OTOG: variants seen among roughly 807,000 people sequenced by gnomAD.
OTOG encodes otogelin.
Under a neutral mutation model 313.8 loss-of-function variants are expected in OTOG, and 296 were observed. The observed-to-expected ratio is 0.94, with a 90% CI of 0.86 to 1.04. The LOEUF (loss-of-function observed/expected upper bound fraction) is 1.04. Ranked by LOEUF, OTOG falls within the 50% of genes least tolerant of loss-of-function variation. The pLI is 0.00. For synonymous variants in OTOG, 1,533 were observed against 1,554.9 expected (o/e 0.99, Z 0.33); for missense variants, 3,948 against 3,840.1 (o/e 1.03, Z -0.74).
intron 39 of OTOG, among the ~76,000 whole-genome samples, chr11:17,615,158 A>G (rs1020611606): frequency 1.1e-4 from 16 of 152,222 alleles, no homozygotes; most frequent in African/African-American, 3.9e-4. Context: ...TCCATGGTAT[A>G]TGCTCTTTGG....
At chr11:17,578,092 G>A (rs1307254709) in intron 22 of OTOG, among the ~76,000 whole-genome samples, 1 of 152,140 alleles carries the variant, frequency 6.6e-6, no homozygotes, top group Non-Finnish European at 1.5e-5. Flanking sequence ...GTTGTTGCAG[G>A]ATTCAATATG....
chr11:17,572,258 C>G lies in OTOG; in HGVS notation c.2080+54C>G, dbSNP rs1852422121. 4 of 1,538,212 alleles carry G rather than the reference C, an allele frequency of 2.6e-6. No individual in the cohort carries two copies. In the South Asian group the frequency reaches 4.8e-5, roughly 19 times the overall value. ...TGGTTGAGTGGGGTGGGGAGGACTG[C>G]TTTGAGAGAGATGAAAAGGGAACTC... On this transcript the variant is annotated intron_variant, in intron 18 of 55. Transcript: ENST00000399397.
At chr11:17,643,356 G>T in intron 53 of OTOG, 105 bp from the exon 54 acceptor site, 3 of 733,176 alleles carry the variant, frequency 4.1e-6, no homozygotes, top group Non-Finnish European at 5.9e-6. Context: ...ATCACGGGGA[G>T]AGAAGAGTCA....
chr11:17,604,203 A>G (rs1436779471), intron 32 of OTOG, among the ~76,000 whole-genome samples: 1 of 152,220 alleles, frequency 6.6e-6, no homozygotes, highest in African/African-American at 2.4e-5. Context: ...AGAGGATGGC[A>G]GGCGAAGTCA....
Position 17,573,079 on chromosome 11 carries a change from C to T in OTOG, c.2082C>T (p.Ala694=), listed in dbSNP as rs1852439176. The change falls in exon 19 of 56, where the codon GCC becomes GCT. Residue 694 remains alanine (A), a splice_region_variant and synonymous_variant. Coordinates refer to ENST00000399397, the MANE Select transcript of OTOG (RefSeq NM_001292063.2). ...TGGCTCCTGTTCTTCCTTCCCCAGC[C>T]TCCTACTCAGTGCAGGCCTGCAGCG... is the stretch of plus-strand genomic sequence containing the variant. ...LDPCDVHLQA[A]SYSVQACSVL... The T allele has an allele frequency of 1.3e-6, 2 of 1,546,114 alleles. No homozygotes were observed. Among genetic ancestry groups the T allele is most frequent in the African/African-American group, 1.4e-5 (1 of 73,018 alleles).
rs1023077268 is a variant in OTOG, at chr11:17,560,708, G to A, written c.1343-1G>A. 1.3e-6 allele frequency: 2 copies of A among 1,550,088 alleles called. No individual in the cohort carries two copies. The highest frequency in any genetic ancestry group is 2.4e-5 in the South Asian group (2 of 84,066). ...TAATTGGCCCTTTGCTGTCACTCTA[G>A]GGCTCATCTTCGAGGATGGGGGCTG... On this transcript the variant is annotated splice_acceptor_variant, in intron 12 of 55. Transcript: ENST00000399397. LOFTEE classifies it high-confidence loss of function.
chr11:17,632,052 T>C, intron 41 of OTOG, 36 bp from the exon 42 acceptor site: 1 of 1,545,746 alleles, frequency 6.5e-7, no homozygotes, highest in African/African-American at 1.4e-5. Context: ...ATATGTGCCA[T>C]CCGAGTAACC....
At chr11:17,566,438 C>G (rs1317535422) in intron 15 of OTOG, among the ~76,000 whole-genome samples, 2 of 152,124 alleles carry the variant, frequency 1.3e-5, no homozygotes, top group African/African-American at 4.8e-5. Context: ...ATATGGAGAG[C>G]CGACTGTATA....
At chr11:17,560,851 G>A in intron 13 of OTOG, 34 bp downstream of exon 13, 1 of 1,514,722 alleles carries the variant, frequency 6.6e-7, no homozygotes. Context: ...AGGGTGTGGG[G>A]CATGGCCGCT....
chr11:17,571,607 T>C (rs1395428822), intron 17 of OTOG, among the ~76,000 whole-genome samples: 1 of 152,078 alleles, frequency 6.6e-6, no homozygotes, highest in Non-Finnish European at 1.5e-5. Flanking sequence ...CTTACCCCCA[T>C]GGTGTTTGAT....
In OTOG at chr11:17,610,575, G is replaced by C. The variant is rs961459280; in HGVS notation, c.5275G>C (p.Ala1759Pro). ...PPRPAQHTTM[A>P]TRSPALPPET... ...CCGCCCAGCCCAGCATACCACCATG[G>C]CCACCAGGTCTCCAGCTCTGCCCCC... Residue 1759 changes from alanine (A) to proline (P), a missense_variant, in exon 36 of 56, where the codon GCC (alanine) becomes CCC (proline). Transcript: ENST00000399397. 2 of 1,550,302 alleles carry C rather than the reference G, an allele frequency of 1.3e-6. No individual in the cohort carries two copies. Among genetic ancestry groups the C allele is most frequent in the African/African-American group, 2.7e-5 (2 of 72,988 alleles).
At chr11:17,576,961 A>G in intron 22 of OTOG, 50 bp downstream of exon 22, 2 of 1,527,174 alleles carry the variant, frequency 1.3e-6, no homozygotes, top group Non-Finnish European at 1.8e-6. Context: ...CACATGGTAA[A>G]GGAGAGTGGG....
At position 17,635,124 on chromosome 11, in the gene OTOG, C is replaced by T. The variant is rs1228522943; in HGVS notation, c.7630C>T (p.Arg2544Ter). The T allele has an allele frequency of 4.5e-6, 7 of 1,549,164 alleles. No individual in the cohort carries two copies. Among genetic ancestry groups the T allele is most frequent in the South Asian group, 1.2e-5 (1 of 84,028 alleles). ...TGAGGCAGAGCTGGTCCCCAGCTGCCGACAGGACCAGATCCTGATCACGGG... is the reference window on the plus strand; with the variant it reads ...TGAGGCAGAGCTGGTCCCCAGCTGCTGACAGGACCAGATCCTGATCACGGG... ...LCEAELVPSC[R>*]QDQILITGRL... is the part of the protein sequence containing the mutation. Residue 2544 changes from arginine (R) to a stop codon, truncating the protein, a stop_gained, in exon 46 of 56, where the codon CGA becomes TGA. Coordinates refer to ENST00000399397, the MANE Select transcript of OTOG (RefSeq NM_001292063.2). LOFTEE classifies it high-confidence loss of function.
rs1028048312 is a variant in OTOG at position 17,599,717 on chromosome 11, G to T, written c.3709+20G>T. ...ACAAAGGTAAGCCCCTCCTCCCCAC[G>T]CAGAGTCTCAGGGGCTCAGGCACTG... On this transcript the variant is annotated intron_variant, in intron 31 of 55. Coordinates refer to ENST00000399397, the MANE Select transcript of OTOG (RefSeq NM_001292063.2). 2.2e-5 allele frequency: 34 copies of T among 1,549,732 alleles called. No homozygotes were observed. Among genetic ancestry groups the T allele is most frequent in the African/African-American group, 2.7e-5 (2 of 73,028 alleles).
In OTOG at chr11:17,586,596, C is replaced by A; in HGVS notation, c.2867+15C>A. 1 of 1,346,408 alleles carries A rather than the reference C, an allele frequency of 7.4e-7. No individual in the cohort carries two copies. The highest frequency in any genetic ancestry group is 9.6e-7 in the Non-Finnish European group (1 of 1,037,902). The allele number at this position is 1,346,408 out of a possible 1,614,324, so 83.4% of individuals were successfully genotyped here. ...TGCCATACCTGGTAAGTGAGGGTCC[C>A]AAGCAGGCTTTGCTTTTTTGCTGGG... On this transcript the variant is annotated intron_variant, in intron 24 of 55. Transcript: ENST00000399397.
In OTOG at chr11:17,547,988, G is replaced by T. The variant is rs1189217395; in HGVS notation, c.155+1G>T. The T allele has an allele frequency of 1.5e-6, 1 of 671,206 alleles. No individual in the cohort carries two copies. Among genetic ancestry groups the T allele is most frequent in the African/African-American group, 1.8e-5 (1 of 54,736 alleles). 41.6% of individuals were successfully genotyped at this position (671,206 alleles called of 1,614,324 possible). ...AGCCAGAGCCAGCCGGGCAACCCAG[G>T]TGAGTAGGTGTGAGCTGTGGCGGCC... is the stretch of plus-strand genomic sequence containing the variant. On this transcript the variant is annotated splice_donor_variant, in intron 2 of 55. Coordinates refer to ENST00000399397, the MANE Select transcript of OTOG (RefSeq NM_001292063.2). LOFTEE classifies it high-confidence loss of function.
chr11:17,579,432 T>A (rs1852614766), intron 23 of OTOG, among the ~76,000 whole-genome samples: 1 of 152,092 alleles, frequency 6.6e-6, no homozygotes, highest in Admixed American at 6.6e-5. Flanking sequence ...GTGAAGAAAC[T>A]GAGGCCAGGG....
rs557403148 is a variant in OTOG at position 17,578,017 on chromosome 11, G to C, written c.2606-356G>C. ...GCACTTCTCACTTTATGGTGACTTT[G>C]GGGAGGAGGAGAAGTGGCTTCACTC... On this transcript the variant is annotated intron_variant, in intron 22 of 55. Coordinates refer to ENST00000399397, the MANE Select transcript of OTOG (RefSeq NM_001292063.2). Among the ~76,000 whole-genome samples, 4 of 152,248 alleles carry C rather than the reference G, an allele frequency of 2.6e-5. No individual in the cohort carries two copies. The East Asian group carries it at 7.7e-4, about 29-fold the overall frequency.
intron 39 of OTOG, among the ~76,000 whole-genome samples, chr11:17,618,192 T>G (rs1239844525): frequency 6.6e-6 from 1 of 152,320 alleles, no homozygotes; most frequent in East Asian, 1.9e-4. Context: ...TGAGCCACCA[T>G]GCCTGGCCTC....
Sources: gnomAD v4.1 joint callset for allele counts (sites outside exome capture counted in the v4.1 genomes callset) on GRCh38, gnomAD v4.1.1 for gene constraint, MANE v1.5 for transcripts, NCBI Gene and HGNC (gene_info 2026-07-23, HGNC 2026-07-21) for gene names.